Variants in ZNF536 observed in about 807,000 individuals in gnomAD.
ZNF536 encodes zinc finger protein 536.
A neutral mutation model predicts 84.5 loss-of-function variants in ZNF536; 13 were observed. The observed-to-expected ratio is 0.15, with a 90% CI of 0.10 to 0.24. The LOEUF (loss-of-function observed/expected upper bound fraction) is 0.24, where lower values mean the gene tolerates loss of function less well. Ranked by LOEUF, ZNF536 falls within the 10% of genes least tolerant of loss-of-function variation. ZNF536 has a pLI of 1.00. For missense variants in ZNF536, 1,536 were observed against 1,747.5 expected, an observed-to-expected ratio of 0.88 and a Z score of 2.16; for synonymous variants, 811 against 742.5, an observed-to-expected ratio of 1.09 and a Z score of -1.50.
intron 1 of ZNF536, among the ~76,000 whole-genome samples, chr19:30,229,281 A>C (rs73019701): frequency 0.16 from 24,119 of 152,030 alleles, 1,983 homozygotes; most frequent in Middle Eastern, 0.23. Context: ...TGCTAAAGAC[A>C]GGGTCACCGA....
intron 3 of ZNF536, among the ~76,000 whole-genome samples, chr19:30,362,253 G>A (rs539569575): frequency 1.3e-5 from 2 of 152,282 alleles, no homozygotes; most frequent in South Asian, 4.1e-4. Flanking sequence ...ATTGTGCCAG[G>A]GGCAGAGGTG....
intron 1 of ZNF536, among the ~76,000 whole-genome samples, chr19:30,272,457 A>C (rs2867023): frequency 6.6e-6 from 1 of 151,962 alleles, no homozygotes; most frequent in Admixed American, 6.5e-5. Flanking sequence ...TTATATTCAG[A>C]TTCACTCTTT....
At chr19:30,523,759 T>C (rs1001815640) in intron 2 of ZNF536, among the ~76,000 whole-genome samples, 1 of 151,764 alleles carries the variant, frequency 6.6e-6, no homozygotes, top group Non-Finnish European at 1.5e-5. Flanking sequence ...AGGGCTGGAG[T>C]GCCAAGGGTC....
chr19:30,598,705 A>G (rs998008133), intron 1 of ZNF536, among the ~76,000 whole-genome samples: 3 of 152,158 alleles, frequency 2.0e-5, no homozygotes, highest in African/African-American at 7.2e-5. Flanking sequence ...ATTATTTTCT[A>G]TGATTCATTG....
At chr19:30,281,905 G>A (rs1275304315) in intron 1 of ZNF536, among the ~76,000 whole-genome samples, 1 of 152,160 alleles carries the variant, frequency 6.6e-6, no homozygotes, top group South Asian at 2.1e-4. Flanking sequence ...GGGTCCCTGT[G>A]GGGGACAGGG....
At chr19:30,490,771 G>A (rs918567306) in intron 2 of ZNF536, among the ~76,000 whole-genome samples, 3 of 152,178 alleles carry the variant, frequency 2.0e-5, no homozygotes, top group Non-Finnish European at 2.9e-5. Context: ...GCCCACGAAA[G>A]AGTTTATTTT....
chr19:30,547,470 C>G (rs960650533), intron 3 of ZNF536, among the ~76,000 whole-genome samples: 2 of 152,162 alleles, frequency 1.3e-5, no homozygotes, highest in African/African-American at 4.8e-5. Context: ...TTAAATCATT[C>G]ATTTCAGTCT....
chr19:30,437,030 C>G (rs1039121116), intron 1 of ZNF536, among the ~76,000 whole-genome samples: 1 of 152,146 alleles, frequency 6.6e-6, no homozygotes, highest in Non-Finnish European at 1.5e-5. Flanking sequence ...TTTTTAAAAT[C>G]CAGTGCAAAT....
At chr19:30,697,460 G>T (rs1568681992) in intron 1 of ZNF536, among the ~76,000 whole-genome samples, 1 of 152,332 alleles carries the variant, frequency 6.6e-6, no homozygotes, top group East Asian at 1.9e-4. Flanking sequence ...GCCTTTTCTA[G>T]CAGACATTCA....
intron 1 of ZNF536, among the ~76,000 whole-genome samples, chr19:30,678,946 G>GAATAA (rs1025149937): frequency 1.3e-5 from 2 of 152,006 alleles, no homozygotes; most frequent in Non-Finnish European, 2.9e-5. Flanking sequence ...AAAAAGAAAT[G>GAATAA]AATAAAATAA....
intron 2 of ZNF536, among the ~76,000 whole-genome samples, chr19:30,501,894 A>G (rs1478732414): frequency 1.3e-5 from 2 of 152,206 alleles, no homozygotes; most frequent in Non-Finnish European, 2.9e-5. Context: ...TAGCATTCCA[A>G]TAATGGAACA....
chr19:30,653,302 A>T (rs1439950908), intron 1 of ZNF536, among the ~76,000 whole-genome samples: 1 of 152,014 alleles, frequency 6.6e-6, no homozygotes, highest in Non-Finnish European at 1.5e-5. Context: ...CACACATTAG[A>T]TCTGGGTGTA....
At chr19:30,401,673 G>C (rs1037836986) in intron 1 of ZNF536, among the ~76,000 whole-genome samples, 1 of 152,178 alleles carries the variant, frequency 6.6e-6, no homozygotes, top group African/African-American at 2.4e-5. Flanking sequence ...CATTTAAATA[G>C]TAATAAAATA....
At chr19:30,662,032 A>C (rs2050140212) in intron 1 of ZNF536, among the ~76,000 whole-genome samples, 1 of 152,214 alleles carries the variant, frequency 6.6e-6, no homozygotes, top group Non-Finnish European at 1.5e-5. Context: ...AACATAACTT[A>C]ATAGCTCAAA....
intron 1 of ZNF536, among the ~76,000 whole-genome samples, chr19:30,643,373 C>A: frequency 6.6e-6 from 1 of 152,160 alleles, no homozygotes; most frequent in East Asian, 1.9e-4. Context: ...TGGAAAGAGT[C>A]CCATGATGTC....
chr19:30,329,363 A>G (rs2047136458), intron 2 of ZNF536, among the ~76,000 whole-genome samples: 1 of 151,846 alleles, frequency 6.6e-6, no homozygotes, highest in East Asian at 1.9e-4. Context: ...TTGAAGAAAA[A>G]TATGCTCAGC....
At chr19:30,301,056 C>A (rs1337852150) in intron 2 of ZNF536, among the ~76,000 whole-genome samples, 1 of 152,190 alleles carries the variant, frequency 6.6e-6, no homozygotes, top group Non-Finnish European at 1.5e-5. Flanking sequence ...GCCCCTGGAA[C>A]TGTGGTTCTG....
Position 30,659,047 on chromosome 19 carries a change from G to A in ZNF536, c.170-51710G>A, listed in dbSNP as rs187502333. 3.5e-4 allele frequency among the ~76,000 whole-genome samples: 54 copies of A among 152,306 alleles called. No individual in the cohort carries two copies. The East Asian group carries it at 3.7e-3, about 10-fold the overall frequency. On this transcript the variant is annotated intron_variant, in intron 1 of 1. Transcript: ENST00000592773. ...TGCTGTCAGGAAATCTGATTTTACC[G>A]TTTGGGTGGGGATTTCTCAGAGATT...
At chr19:30,275,992 T>A (rs1004593738) in intron 1 of ZNF536, among the ~76,000 whole-genome samples, 2 of 152,130 alleles carry the variant, frequency 1.3e-5, no homozygotes, top group East Asian at 3.9e-4. Flanking sequence ...CTCTCTCCTT[T>A]CTTCCTTCTC....
Sources: allele counts gnomAD v4.1 joint callset (sites outside exome capture counted in the v4.1 genomes callset), GRCh38; gene constraint gnomAD v4.1.1; transcripts MANE v1.5; gene names NCBI Gene and HGNC (gene_info 2026-07-23, HGNC 2026-07-21).